MCF2L: variants seen among roughly 807,000 people sequenced by gnomAD.
The protein encoded by MCF2L is MCF.2 cell line derived transforming sequence like.
MCF2L carries 97 observed loss-of-function variants against 153.4 expected under a neutral mutation model. The ratio of observed to expected loss-of-function variants is 0.63; its 90% CI spans 0.54 to 0.75. MCF2L has a LOEUF of 0.75. Among genes scored for constraint, MCF2L ranks in the 30% least tolerant of loss-of-function variants. The probability of loss-of-function intolerance (pLI) is 0.00; values close to 1 mark genes in which losing one functional copy is unlikely to be tolerated. For synonymous variants in MCF2L, 659 were observed against 632.2 expected, an observed-to-expected ratio of 1.04 and a Z score of -0.64; for missense variants, 1,347 against 1,495.2, an observed-to-expected ratio of 0.90 and a Z score of 1.64.
intron 1 of MCF2L, among the ~76,000 whole-genome samples, chr13:112,995,931 G>C (rs933234306): frequency 6.6e-6 from 1 of 152,154 alleles, no homozygotes; most frequent in Non-Finnish European, 1.5e-5. Flanking sequence ...GATGCCGGGT[G>C]CAGCCTTTAC....
At chr13:113,056,580 T>C (rs1179062451) in intron 4 of MCF2L, among the ~76,000 whole-genome samples, 1 of 145,004 alleles carries the variant, frequency 6.9e-6, no homozygotes, top group Admixed American at 6.9e-5. Context: ...GTTTGCGTGC[T>C]GTGTGTTTGG....
intron 2 of MCF2L, among the ~76,000 whole-genome samples, chr13:112,906,463 C>A (rs1196567293): frequency 1.3e-5 from 2 of 152,228 alleles, no homozygotes; most frequent in African/African-American, 2.4e-5. Flanking sequence ...CAGGTGCCCA[C>A]AGGAACATGC....
intron 2 of MCF2L, among the ~76,000 whole-genome samples, chr13:113,023,879 G>A (rs2085060953): frequency 1.3e-5 from 2 of 152,268 alleles, no homozygotes; most frequent in Admixed American, 1.3e-4. Flanking sequence ...CCTCAGAGCA[G>A]GTGGATGCAG....
intron 4 of MCF2L, among the ~76,000 whole-genome samples, chr13:113,058,482 T>C (rs1351600560): frequency 2.1e-5 from 3 of 140,748 alleles, no homozygotes; most frequent in Non-Finnish European, 4.6e-5. Context: ...TTAGGTGCTG[T>C]GTGTTTGGGT....
chr13:112,995,842 G>A (rs963815959), intron 1 of MCF2L, among the ~76,000 whole-genome samples: 3 of 152,160 alleles, frequency 2.0e-5, no homozygotes, highest in Non-Finnish European at 4.4e-5. Flanking sequence ...GGCGTGGCCC[G>A]GAAGTCCGTT....
At position 112,932,231 on chromosome 13, in the gene MCF2L, G is replaced by T. The variant is rs1296346290; in HGVS notation, c.169+29860G>T. Among the ~76,000 whole-genome samples, 1 of 149,858 alleles carries T rather than the reference G, an allele frequency of 6.7e-6. No homozygotes were observed. Among genetic ancestry groups the T allele is most frequent in the Non-Finnish European group, 1.5e-5 (1 of 67,322 alleles). On this transcript the variant is annotated intron_variant, in intron 2 of 29. Coordinates refer to the MCF2L transcript ENST00000375608. The surrounding 1 kb of genome is among the most constrained non-coding windows in gnomAD (Gnocchi z 4.6). Reference sequence around the variant, plus strand: ...TGTAGACTCGTGCCCTGGGTAAGGCGTGACCGGGATGGCACTTTACCTCTG... The same window carrying T: ...TGTAGACTCGTGCCCTGGGTAAGGCTTGACCGGGATGGCACTTTACCTCTG...
At position 113,084,052 on chromosome 13, in the gene MCF2L, A is replaced by G; in HGVS notation, c.2046A>G (p.Arg682=). 1.2e-6 allele frequency: 2 copies of G among 1,613,906 alleles called. No homozygotes were observed. Among genetic ancestry groups the G allele is most frequent in the South Asian group, 1.1e-5 (1 of 91,078 alleles). ...CTGACTGCCCAGAACTGGTTGGAAGATGCTTTCTGGAGAGGGTAGGTGGTG... is the reference window on the plus strand; with the variant it reads ...CTGACTGCCCAGAACTGGTTGGAAGGTGCTTTCTGGAGAGGGTAGGTGGTG... ...NYTDCPELVG[R]CFLERMEDFQ... Residue 682 remains arginine, a synonymous_variant, in exon 18 of 30, where the codon AGA becomes AGG. Coordinates refer to ENST00000535094, the MANE Select transcript of MCF2L (RefSeq NM_001112732.3).
Position 112,960,848 on chromosome 13 carries a change from GGAA to G in MCF2L, c.170-53913_170-53911del, listed in dbSNP as rs2081816701. Reference sequence around the variant, plus strand: ...TGCCTGAGCCTCCTGCTGCCCTGCTGGAAGGACCCTGGGATGACCCTGGATCTC... The same window carrying G: ...TGCCTGAGCCTCCTGCTGCCCTGCTGGGACCCTGGGATGACCCTGGATCTC... On this transcript the variant is annotated intron_variant, in intron 2 of 29. Coordinates refer to the MCF2L transcript ENST00000375608. The surrounding 1 kb of genome is among the most constrained non-coding windows in gnomAD (Gnocchi z 4.2). Among the ~76,000 whole-genome samples the G allele has an allele frequency of 6.6e-6, 1 of 152,004 alleles. No homozygotes were observed.
intron 2 of MCF2L, among the ~76,000 whole-genome samples, chr13:112,953,440 C>G (rs913657086): frequency 4.6e-5 from 7 of 152,264 alleles, no homozygotes; most frequent in Middle Eastern, 3.4e-3. Flanking sequence ...ATATGGTGTC[C>G]GCTCCCCTCT....
rs904966653 is a variant in MCF2L, at chr13:112,919,451, C to T, written c.169+17080C>T. On this transcript the variant is annotated intron_variant, in intron 2 of 29. Coordinates refer to the MCF2L transcript ENST00000375608. ...CGATCTCCTGACCTCGTGATCCGCC[C>T]GCCTCGGCCTCCCAAAGTGCTGGGA... 5.3e-5 allele frequency among the ~76,000 whole-genome samples: 8 copies of T among 152,026 alleles called. No homozygotes were observed. In the South Asian group the frequency reaches 8.3e-4, roughly 16 times the overall value.
chr13:112,916,673 C>T (rs113416121), intron 2 of MCF2L, among the ~76,000 whole-genome samples: 2,417 of 152,208 alleles, frequency 0.016, 55 homozygotes, highest in African/African-American at 0.05. Flanking sequence ...AGCGTTCCAC[C>T]GGGCAGACGG....
At chr13:112,988,184 G>A (rs1024846042) in intron 1 of MCF2L, among the ~76,000 whole-genome samples, 8 of 151,954 alleles carry the variant, frequency 5.3e-5, no homozygotes, top group Non-Finnish European at 1.0e-4. Flanking sequence ...GTGTGTGGTG[G>A]TGCAGCTGCC....
At chr13:113,090,483 A>G in intron 26 of MCF2L, 1 of 955,208 alleles carries the variant, frequency 1.0e-6, no homozygotes, top group South Asian at 5.0e-5. Context: ...AGTTCCCTGC[A>G]GGGTGCTGAC....
At position 113,046,877 on chromosome 13, in the gene MCF2L, A is replaced by G. The variant is rs531036858; in HGVS notation, c.369+1516A>G. Reference sequence around the variant, plus strand: ...AGAATCGGTCTTCCTTTGTTTTAACAGTGCGTTCGTTTGCTTTTGCGTCAC... The same window carrying G: ...AGAATCGGTCTTCCTTTGTTTTAACGGTGCGTTCGTTTGCTTTTGCGTCAC... On this transcript the variant is annotated intron_variant, in intron 4 of 29. Coordinates refer to ENST00000535094, the MANE Select transcript of MCF2L (RefSeq NM_001112732.3). The surrounding 1 kb of genome is among the most constrained non-coding windows in gnomAD (Gnocchi z 4.4). 8 of 300,128 alleles carry G rather than the reference A, an allele frequency of 2.7e-5. No individual in the cohort carries two copies. The Admixed American group carries it at 3.9e-4, about 14-fold the overall frequency. 18.6% of individuals were successfully genotyped at this position (300,128 alleles called of 1,614,324 possible).
chr13:113,005,424 G>A (rs960531764), intron 1 of MCF2L, among the ~76,000 whole-genome samples: 5 of 152,162 alleles, frequency 3.3e-5, no homozygotes, highest in African/African-American at 4.8e-5. Flanking sequence ...GGGTCTGTTC[G>A]TGGTGGGCCA....
In MCF2L at chr13:113,054,259, G is replaced by A. The variant is rs961622464; in HGVS notation, c.370-6334G>A. The A allele has an allele frequency of 2.6e-4, 43 of 167,742 alleles. No homozygotes were observed. The highest frequency in any genetic ancestry group is 5.9e-5 in the Non-Finnish European group (4 of 68,284). 10.4% of individuals were successfully genotyped at this position (167,742 alleles called of 1,614,324 possible). A position where few individuals can be genotyped will look rare whatever the true frequency, so the allele number is the denominator to read the frequency against. On this transcript the variant is annotated intron_variant, in intron 4 of 29. Coordinates refer to ENST00000535094, the MANE Select transcript of MCF2L (RefSeq NM_001112732.3). The surrounding 1 kb of genome is among the most constrained non-coding windows in gnomAD (Gnocchi z 5.2). ...ATTGTACATTCGGGAGTGGGAGTGC[G>A]ATTGGATGTGTGTCTGCAGATTCTC... is the stretch of plus-strand genomic sequence containing the variant.
At chr13:112,980,009 A>G (rs2082348081) in intron 1 of MCF2L, among the ~76,000 whole-genome samples, 1 of 152,134 alleles carries the variant, frequency 6.6e-6, no homozygotes, top group Non-Finnish European at 1.5e-5. Context: ...GGGCTTACGA[A>G]TTTCCGCTCC....
At chr13:112,936,206 G>C (rs2081512983) in intron 2 of MCF2L, among the ~76,000 whole-genome samples, 1 of 151,230 alleles carries the variant, frequency 6.6e-6, no homozygotes, top group African/African-American at 2.4e-5. Flanking sequence ...CTTGAACCCG[G>C]GAGGCAGAGG....
chr13:113,022,103 G>A (rs1167330733), intron 2 of MCF2L, among the ~76,000 whole-genome samples: 1 of 152,156 alleles, frequency 6.6e-6, no homozygotes, highest in Non-Finnish European at 1.5e-5. Context: ...CTGGCCTCTG[G>A]GGGTCCCCGG....
Sources: allele counts gnomAD v4.1 joint callset (sites outside exome capture counted in the v4.1 genomes callset), GRCh38; gene constraint gnomAD v4.1.1; non-coding constraint Gnocchi (gnomAD v3.1); transcripts MANE v1.5; gene names NCBI Gene and HGNC (gene_info 2026-07-23, HGNC 2026-07-21).